MAF: variants seen among roughly 807,000 people sequenced by gnomAD.
MAF encodes MAF bZIP transcription factor.
Under a neutral mutation model 22.0 loss-of-function variants are expected in MAF, and 10 were observed. The observed-to-expected ratio is 0.45, with a 90% confidence interval of 0.28 to 0.77. The LOEUF (loss-of-function observed/expected upper bound fraction) is 0.77, where lower values mean the gene tolerates loss of function less well. MAF is among the 30% of genes least tolerant of loss of function. MAF has a pLI of 0.12. For synonymous variants in MAF, 337 were observed against 255.8 expected (o/e 1.32, Z -3.03); for missense variants, 544 against 548.4 (o/e 0.99, Z 0.08).
the MAF span, among the ~76,000 whole-genome samples, chr16:79,246,822 A>ATCTG: frequency 6.7e-6 from 1 of 148,724 alleles, no homozygotes; most frequent in African/African-American, 2.4e-5. Flanking sequence ...GTTTGTGTCC[A>ATCTG]TCTGTCCATC....
the MAF span, among the ~76,000 whole-genome samples, chr16:79,336,726 T>A: frequency 6.6e-6 from 1 of 152,160 alleles, no homozygotes; most frequent in Non-Finnish European, 1.5e-5. Flanking sequence ...TTTCATGACT[T>A]TTTACTTGGG....
the MAF span, among the ~76,000 whole-genome samples, chr16:79,469,421 G>C: frequency 1.6e-3 from 239 of 152,224 alleles, no homozygotes; most frequent in African/African-American, 5.6e-3. Context: ...TACCTGGGTG[G>C]CTTTAAGCAA....
At chr16:79,501,629 A>T in the MAF span, among the ~76,000 whole-genome samples, 1 of 152,216 alleles carries the variant, frequency 6.6e-6, no homozygotes, top group African/African-American at 2.4e-5. Context: ...TTCAGTGTTG[A>T]TGCTGAAATT....
At chr16:79,587,889 T>A (rs1246445496) in intron 1 of MAF, among the ~76,000 whole-genome samples, 1 of 146,068 alleles carries the variant, frequency 6.8e-6, no homozygotes, top group Non-Finnish European at 1.5e-5. Flanking sequence ...GGGTAGATAC[T>A]ATTTGCACAC....
the MAF span, among the ~76,000 whole-genome samples, chr16:79,469,469 G>A: frequency 1.3e-5 from 2 of 152,130 alleles, no homozygotes; most frequent in Admixed American, 6.5e-5. Context: ...TCCTCTATAA[G>A]TAGAGATGAT....
the MAF span, among the ~76,000 whole-genome samples, chr16:79,208,457 A>G: frequency 6.6e-6 from 1 of 152,174 alleles, no homozygotes; most frequent in Non-Finnish European, 1.5e-5. Context: ...ATTTATCACA[A>G]TGGATCAGTA....
the MAF span, among the ~76,000 whole-genome samples, chr16:79,368,958 G>A: frequency 1.3e-5 from 2 of 152,062 alleles, no homozygotes. Context: ...GTTTTTTGTT[G>A]TTTTGCTGTC....
At chr16:79,526,428 T>C in the MAF span, among the ~76,000 whole-genome samples, 1 of 152,170 alleles carries the variant, frequency 6.6e-6, no homozygotes, top group Non-Finnish European at 1.5e-5. Flanking sequence ...GGGGAGTGGC[T>C]GTATATACAC....
chr16:79,290,495 C>A, the MAF span, among the ~76,000 whole-genome samples: 4 of 152,092 alleles, frequency 2.6e-5, no homozygotes, highest in African/African-American at 9.7e-5. Flanking sequence ...AGTTTAACCA[C>A]GGGGAACTGA....
At chr16:79,374,690 G>T in the MAF span, among the ~76,000 whole-genome samples, 1 of 152,190 alleles carries the variant, frequency 6.6e-6, no homozygotes. Context: ...GAATTCTAGG[G>T]GAAACAGAGT....
the MAF span, among the ~76,000 whole-genome samples, chr16:79,488,818 C>T: frequency 6.6e-6 from 1 of 152,136 alleles, no homozygotes; most frequent in Admixed American, 6.6e-5. Context: ...ATCATGAGGA[C>T]TAATATTCCC....
chr16:79,325,795 C>T, the MAF span, among the ~76,000 whole-genome samples: 10 of 152,306 alleles, frequency 6.6e-5, no homozygotes, highest in African/African-American at 2.2e-4. Context: ...AAGGAATGAG[C>T]TTAAACCAGA....
the MAF span, among the ~76,000 whole-genome samples, chr16:79,529,507 G>T: frequency 2.0e-5 from 3 of 152,092 alleles, no homozygotes; most frequent in South Asian, 6.3e-4. Flanking sequence ...TTTTAATAGG[G>T]GCACTAATAA....
At chr16:79,300,456 G>A in the MAF span, among the ~76,000 whole-genome samples, 1 of 152,174 alleles carries the variant, frequency 6.6e-6, no homozygotes, top group African/African-American at 2.4e-5. Context: ...TCAGGAGGCT[G>A]AGTCAGGAGA....
At chr16:79,416,239 G>T in the MAF span, among the ~76,000 whole-genome samples, 4 of 152,160 alleles carry the variant, frequency 2.6e-5, no homozygotes, top group African/African-American at 7.2e-5. Context: ...CTCTGATTCT[G>T]TTGTGGTCTG....
rs747352903 is a variant in MAF, at chr16:79,599,131, C to T, written c.772G>A (p.Asp258Asn). The T allele has an allele frequency of 6.3e-7, 1 of 1,586,684 alleles. No homozygotes were observed. Among genetic ancestry groups the T allele is most frequent in the South Asian group, 1.1e-5 (1 of 89,246 alleles). ...PHHAAGGLHF[D>N]DRFSDEQLVT... ...AGCTGCTCGTCGGAGAAGCGGTCGTCGAAGTGCAGGCCGCCGGCGGCGTGG... is the reference window on the plus strand; with the variant it reads ...AGCTGCTCGTCGGAGAAGCGGTCGTTGAAGTGCAGGCCGCCGGCGGCGTGG... Residue 258 changes from aspartate (D) to asparagine (N), a missense_variant, in exon 1 of 2, where the codon GAC becomes AAC. Coordinates refer to ENST00000326043, the MANE Select transcript of MAF (RefSeq NM_005360.5).
chr16:79,279,557 G>C, the MAF span, among the ~76,000 whole-genome samples: 2 of 152,122 alleles, frequency 1.3e-5, no homozygotes, highest in East Asian at 3.9e-4. Context: ...TGGATCCTGG[G>C]CTGCAGGATG....
At chr16:79,594,960 A>G (rs1913426513) in intron 1 of MAF, 4 of 1,090,240 alleles carry the variant, frequency 3.7e-6, no homozygotes, top group African/African-American at 1.6e-5. Context: ...TTTCCTTCCA[A>G]TCCAGGCCTC....
the MAF span, among the ~76,000 whole-genome samples, chr16:79,287,096 G>A: frequency 6.7e-6 from 1 of 149,242 alleles, no homozygotes; most frequent in Non-Finnish European, 1.5e-5. Flanking sequence ...CAGCTTTGTT[G>A]TCCTCCACGT....
Sources: gnomAD v4.1 joint callset for allele counts (sites outside exome capture counted in the v4.1 genomes callset) on GRCh38, gnomAD v4.1.1 for gene constraint, MANE v1.5 for transcripts, NCBI Gene and HGNC (gene_info 2026-07-23, HGNC 2026-07-21) for gene names.